The following CFAP65 variants were observed in gnomAD, a reference collection of about 807,000 sequenced individuals.
CFAP65 encodes the protein cilia- and flagella-associated protein 65.
A neutral mutation model predicts 208.0 loss-of-function variants in CFAP65; 155 were observed. The ratio of observed to expected loss-of-function variants is 0.75; its 90% CI spans 0.65 to 0.85. The LOEUF is 0.85. CFAP65 is among the 40% of genes least tolerant of loss of function. The probability of loss-of-function intolerance (pLI) is 0.00; values close to 1 mark genes in which losing one functional copy is unlikely to be tolerated. For synonymous variants in CFAP65, 970 were observed against 986.3 expected, an observed-to-expected ratio of 0.98 and a Z score of 0.31; for missense variants, 2,294 against 2,451.3, an observed-to-expected ratio of 0.94 and a Z score of 1.36.
chr2:219,029,275 G>T, intron 11 of CFAP65, 128 bp downstream of exon 11: 1 of 1,231,434 alleles, frequency 8.1e-7, no homozygotes, highest in East Asian at 2.5e-5. Context: ...GCCCAGGAGT[G>T]GGAGACCACC....
intron 24 of CFAP65, among the ~76,000 whole-genome samples, chr2:219,011,270 C>CTTTTTTTTTTTTTTTTTTTTTTTTT (rs528817484): frequency 9.3e-6 from 1 of 107,110 alleles, no homozygotes; most frequent in Non-Finnish European, 1.9e-5. Flanking sequence ...CTTTTTCTTT[C>CTTTTTTTTTTTTTTTTTTTTTTTTT]TTTTTTTTTT....
intron 14 of CFAP65, 112 bp downstream of exon 14, chr2:219,025,910 G>A (rs1022280319): frequency 1.5e-6 from 2 of 1,336,340 alleles, no homozygotes; most frequent in Non-Finnish European, 2.1e-6. Flanking sequence ...AGCCAGGGAG[G>A]GTGCAAAGAT....
chr2:219,019,416 C>A (rs1947124179), intron 20 of CFAP65, 90 bp downstream of exon 20: 3 of 1,224,914 alleles, frequency 2.4e-6, no homozygotes, highest in Non-Finnish European at 3.4e-6. Flanking sequence ...AAACAGCTTC[C>A]TTGTTCTGGG....
chr2:219,004,295 A>G lies in CFAP65; in HGVS notation c.5212T>C (p.Trp1738Arg). The change falls in exon 33 of 35, where the codon TGG becomes CGG. Residue 1738 changes from tryptophan to arginine, a missense_variant. Trp to Arg is a moderately radical substitution (Grantham distance 101, BLOSUM62 -3). Coordinates refer to ENST00000341552, the MANE Select transcript of CFAP65 (RefSeq NM_194302.4). The surrounding 1 kb of genome is among the most constrained non-coding windows in gnomAD (Gnocchi z 4.7). ...GGCTGCTTGCCCTTCCCATCCTCCC[A>G]GCTGCTGGAGGGTACAGGCAGGATT... is the stretch of plus-strand genomic sequence containing the variant. ...MPILPVPSSS[W>R]EDGKGKQPKE... 1 of 1,613,750 alleles carries G rather than the reference A, an allele frequency of 6.2e-7. No homozygotes were observed. The highest frequency in any genetic ancestry group is 8.5e-7 in the Non-Finnish European group (1 of 1,179,976).
At chr2:219,014,615 G>A (rs527363793) in intron 21 of CFAP65, 1 of 152,668 alleles carries the variant, frequency 6.6e-6, no homozygotes, top group Non-Finnish European at 1.5e-5. Flanking sequence ...AGGGTCCTGA[G>A]GTCACAATCT....
chr2:219,030,668 C>T, intron 9 of CFAP65, 21 bp downstream of exon 9: 1 of 1,607,848 alleles, frequency 6.2e-7, no homozygotes, highest in Non-Finnish European at 8.5e-7. Context: ...AGTCCTGCCG[C>T]CCCTCCTGCC....
intron 4 of CFAP65, among the ~76,000 whole-genome samples, chr2:219,036,847 C>G (rs1297416466): frequency 6.6e-6 from 1 of 152,186 alleles, no homozygotes; most frequent in African/African-American, 2.4e-5. Context: ...CTATCATGCA[C>G]CGGACACTGT....
At position 219,010,069 on chromosome 2, in the gene CFAP65, T is replaced by A; in HGVS notation, c.4325A>T (p.Gln1442Leu). 1 of 1,602,560 alleles carries A rather than the reference T, an allele frequency of 6.2e-7. No homozygotes were observed. The highest frequency in any genetic ancestry group is 1.1e-5 in the South Asian group (1 of 89,190). ...VVPGQNVFLSQSHISLGNIPV... is the reference protein window; with the variant it reads ...VVPGQNVFLSLSHISLGNIPV... Reference sequence around the variant, plus strand: ...TATGTTTCCCAGGGAAATATGAGACTGGGACAGGAAGACATTCTGTGGGTG... The same window carrying A: ...TATGTTTCCCAGGGAAATATGAGACAGGGACAGGAAGACATTCTGTGGGTG... The change falls in exon 27 of 35, where the codon CAG becomes CTG. Residue 1442 changes from glutamine to leucine, a missense_variant. Coordinates refer to ENST00000341552, the MANE Select transcript of CFAP65 (RefSeq NM_194302.4).
At position 219,030,610 on chromosome 2, in the gene CFAP65, G is replaced by C; in HGVS notation, c.1161+79C>G. The C allele has an allele frequency of 1.9e-6, 3 of 1,538,608 alleles. No homozygotes were observed. In the Admixed American group the frequency reaches 5.4e-5, roughly 28 times the overall value. ...CCAAAGGCATGGAGAGAAAGGGGGG[G>C]CATTCTGCAAGGCGGTGATTTTAGG... On this transcript the variant is annotated intron_variant, in intron 9 of 34. Coordinates refer to ENST00000341552, the MANE Select transcript of CFAP65 (RefSeq NM_194302.4).
At chr2:219,005,670 A>T in intron 31 of CFAP65, 108 bp from the exon 32 acceptor site, 1 of 1,346,438 alleles carries the variant, frequency 7.4e-7, no homozygotes, top group Non-Finnish European at 1.0e-6. Context: ...GATGAGTTTG[A>T]GGCACTCCCA....
intron 20 of CFAP65, 151 bp downstream of exon 20, chr2:219,019,355 C>G: frequency 9.7e-7 from 1 of 1,034,182 alleles, no homozygotes; most frequent in Non-Finnish European, 1.4e-6. Flanking sequence ...CTTCCCTGGG[C>G]CCCTCCAGGG....
In CFAP65 at chr2:219,031,631, C is replaced by T; in HGVS notation, c.673G>A (p.Glu225Lys). Residue 225 changes from glutamate to lysine, a missense_variant, in exon 7 of 35, where the codon GAG becomes AAG. Coordinates refer to ENST00000341552, the MANE Select transcript of CFAP65 (RefSeq NM_194302.4). The surrounding 1 kb of genome is among the most constrained non-coding windows in gnomAD (Gnocchi z 5.2). ...ACACAGAACATCCCCTCCGCTTTCTCAAACCACAGCTGGTCCATGTACTCC... is the reference window on the plus strand; with the variant it reads ...ACACAGAACATCCCCTCCGCTTTCTTAAACCACAGCTGGTCCATGTACTCC... ...AKEYMDQLWF[E>K]KAEGMFCVGL... The T allele has an allele frequency of 6.2e-7, 1 of 1,612,822 alleles. No individual in the cohort carries two copies. Among genetic ancestry groups the T allele is most frequent in the Non-Finnish European group, 8.5e-7 (1 of 1,179,328 alleles).
rs186067313 is a variant in CFAP65, at chr2:219,024,285, G to A, written c.2350-25C>T. The A allele has an allele frequency of 3.2e-4, 512 of 1,597,208 alleles. 2 individuals are homozygous for A. The African/African-American group carries it at 5.4e-3, about 17-fold the overall frequency. Reference sequence around the variant, plus strand: ...GCTGGGGGTGGGAGAGGAGGAAAGCGGCCCCCCGCTCAGACCTCCACCCTG... The same window carrying A: ...GCTGGGGGTGGGAGAGGAGGAAAGCAGCCCCCCGCTCAGACCTCCACCCTG... On this transcript the variant is annotated intron_variant, in intron 14 of 34. Transcript: ENST00000341552.
intron 18 of CFAP65, 97 bp downstream of exon 18, chr2:219,021,683 C>T: frequency 8.0e-6 from 11 of 1,366,858 alleles, no homozygotes; most frequent in South Asian, 1.3e-5. Context: ...AGAGCTGGGA[C>T]TACAGGCGCG....
At position 219,010,942 on chromosome 2, in the gene CFAP65, C is replaced by G. The variant is rs769450768; in HGVS notation, c.4012G>C (p.Asp1338His). Residue 1338 changes from aspartate (D) to histidine (H), a missense_variant, in exon 25 of 35, where the codon GAT (aspartate) becomes CAT (histidine). By Grantham distance (81) the Asp-to-His change is moderately conservative (BLOSUM62 -1). Coordinates refer to ENST00000341552, the MANE Select transcript of CFAP65 (RefSeq NM_194302.4). The stretch of plus-strand genomic sequence containing the variant: ...TTTTCCTGAACCTGTGACAGGACAT[C>G]GGTCTGGACCTCATATGTCACGGGC... ...SVPVTYEVQT[D>H]VLSQVQEKNF... is the part of the protein sequence containing the mutation. 12 of 1,613,836 alleles carry G rather than the reference C, an allele frequency of 7.4e-6. No homozygotes were observed. In the East Asian group the frequency reaches 2.5e-4, roughly 33 times the overall value.
At chr2:219,029,278 A>G (rs2106219319) in intron 11 of CFAP65, 125 bp downstream of exon 11, 1 of 1,262,158 alleles carries the variant, frequency 7.9e-7, no homozygotes, top group South Asian at 1.5e-5. Context: ...CAGGAGTGGG[A>G]GACCACCAGG....
Position 219,003,675 on chromosome 2 carries a change from C to A in CFAP65, c.5555+277G>T, listed in dbSNP as rs769796076. ...CAAGACAGGTGGTCCTTTTCTGGCT[C>A]TAGAAGCCCATTTACAAGACTTTGC... On this transcript the variant is annotated intron_variant, in intron 33 of 34. Transcript: ENST00000341552. This position sits in a 1 kb window ranked among gnomAD's most constrained non-coding sequence, Gnocchi z 4.4. 2.6e-5 allele frequency among the ~76,000 whole-genome samples: 4 copies of A among 152,174 alleles called. No homozygotes were observed. The highest frequency in any genetic ancestry group is 4.4e-5 in the Non-Finnish European group (3 of 68,040).
chr2:219,017,814 C>T (rs1038551555), intron 21 of CFAP65, among the ~76,000 whole-genome samples: 1 of 152,242 alleles, frequency 6.6e-6, no homozygotes, highest in African/African-American at 2.4e-5. Flanking sequence ...GGCTCCGGGC[C>T]CACTCAAAGA....
At chr2:219,016,430 G>A (rs1023218457) in intron 21 of CFAP65, among the ~76,000 whole-genome samples, 3 of 151,666 alleles carry the variant, frequency 2.0e-5, no homozygotes, top group African/African-American at 7.3e-5. Context: ...GAGTAGCTGG[G>A]ATTACAGGTG....
Sources: gnomAD v4.1 joint callset for allele counts (sites outside exome capture counted in the v4.1 genomes callset) on GRCh38, gnomAD v4.1.1 for gene constraint, Gnocchi (gnomAD v3.1) non-coding constraint, MANE v1.5 for transcripts, NCBI Gene and HGNC (gene_info 2026-07-23, HGNC 2026-07-21) for gene names.